The following ARID4B variants were observed in gnomAD, a reference collection of about 807,000 sequenced individuals.
ARID4B encodes the protein AT-rich interactive domain-containing protein 4B.
A neutral mutation model predicts 147.5 loss-of-function variants in ARID4B; 26 were observed. The observed-to-expected ratio is 0.18, with a 90% CI of 0.13 to 0.24. The LOEUF is 0.24. Ranked by LOEUF, ARID4B falls within the 10% of genes least tolerant of loss-of-function variation. ARID4B has a pLI of 1.00. For missense variants in ARID4B, 1,179 were observed against 1,511.5 expected, an observed-to-expected ratio of 0.78 and a Z score of 3.65; for synonymous variants, 512 against 507.9, an observed-to-expected ratio of 1.01 and a Z score of -0.11.
chr1:235,246,801 C>CA (rs1669328415), intron 6 of ARID4B, among the ~76,000 whole-genome samples: 1 of 151,898 alleles, frequency 6.6e-6, no homozygotes, highest in Non-Finnish European at 1.5e-5. Flanking sequence ...GATTAAAATA[C>CA]AAAACAAACA....
chr1:235,270,741 T>C (rs1670929858), intron 2 of ARID4B, among the ~76,000 whole-genome samples: 1 of 152,210 alleles, frequency 6.6e-6, no homozygotes, highest in Non-Finnish European at 1.5e-5. Flanking sequence ...TACTCTGCCT[T>C]GAGAAGAGGT....
chr1:235,234,298 G>T, intron 9 of ARID4B, 115 bp downstream of exon 9: 1 of 690,758 alleles, frequency 1.4e-6, no homozygotes, highest in Non-Finnish European at 2.5e-6. Context: ...TCTGTATGAT[G>T]AAAAATAAAA....
intron 17 of ARID4B, among the ~76,000 whole-genome samples, chr1:235,200,908 C>A (rs1665869587): frequency 6.6e-6 from 1 of 152,066 alleles, no homozygotes; most frequent in Non-Finnish European, 1.5e-5. Context: ...CTTTGGGAGG[C>A]CGAGGAGGGC....
At chr1:235,258,927 A>G (rs1272820173) in intron 3 of ARID4B, among the ~76,000 whole-genome samples, 1 of 152,258 alleles carries the variant, frequency 6.6e-6, no homozygotes, top group Non-Finnish European at 1.5e-5. Flanking sequence ...TAGTGAAAAC[A>G]TATCAACAAA....
At chr1:235,307,114 G>A (rs1433740596) in intron 2 of ARID4B, among the ~76,000 whole-genome samples, 2 of 152,112 alleles carry the variant, frequency 1.3e-5, no homozygotes, top group Non-Finnish European at 2.9e-5. Flanking sequence ...GGGGAAGGGG[G>A]AATGGGATAG....
At chr1:235,323,713 G>A (rs1403570049) in intron 2 of ARID4B, among the ~76,000 whole-genome samples, 4 of 151,536 alleles carry the variant, frequency 2.6e-5, no homozygotes, top group Non-Finnish European at 2.9e-5. Context: ...GAACCTGGGA[G>A]GCAGAGGTTG....
intron 17 of ARID4B, among the ~76,000 whole-genome samples, chr1:235,199,050 G>C (rs1665697844): frequency 6.6e-6 from 1 of 152,144 alleles, no homozygotes; most frequent in Non-Finnish European, 1.5e-5. Flanking sequence ...AGTGAGCCGA[G>C]ATCGCGCCAT....
chr1:235,246,015 CAA>C (rs1572067747), intron 7 of ARID4B, among the ~76,000 whole-genome samples: 1 of 152,126 alleles, frequency 6.6e-6, no homozygotes, highest in East Asian at 1.9e-4. Context: ...TGGGGAGACA[CAA>C]AATGGTTCAC....
At chr1:235,228,607 G>A (rs963054268) in intron 11 of ARID4B, 79 of 150,476 alleles carry the variant, frequency 5.3e-4, no homozygotes, top group Admixed American at 2.2e-3. Context: ...GTGAGTCACC[G>A]TGCCTGGCCT....
At chr1:235,195,172 TAGA>T (rs1189004922) in intron 18 of ARID4B, among the ~76,000 whole-genome samples, 1 of 152,152 alleles carries the variant, frequency 6.6e-6, no homozygotes, top group Non-Finnish European at 1.5e-5. Context: ...TCCAGATGCA[TAGA>T]AGATGCTAAT....
At chr1:235,324,257 C>T (rs1213743737) in intron 2 of ARID4B, among the ~76,000 whole-genome samples, 1 of 152,154 alleles carries the variant, frequency 6.6e-6, no homozygotes, top group Non-Finnish European at 1.5e-5. Context: ...ATAAATTCAA[C>T]ATAACACCAA....
intron 2 of ARID4B, among the ~76,000 whole-genome samples, chr1:235,284,078 C>G (rs1281025589): frequency 6.6e-6 from 1 of 152,140 alleles, no homozygotes; most frequent in Non-Finnish European, 1.5e-5. Context: ...TTCTTCAAGG[C>G]CAGGCCGGCA....
intron 22 of ARID4B, among the ~76,000 whole-genome samples, chr1:235,173,248 G>A (rs1571888503): frequency 1.3e-5 from 2 of 152,182 alleles, no homozygotes; most frequent in East Asian, 3.9e-4. Flanking sequence ...GGAGGCTGGG[G>A]CAGGATAATC....
chr1:235,226,590 C>T (rs889417298), intron 11 of ARID4B, among the ~76,000 whole-genome samples: 17 of 151,926 alleles, frequency 1.1e-4, no homozygotes, highest in Admixed American at 3.9e-4. Flanking sequence ...GGCGTGATCT[C>T]GGCTCACTGC....
intron 6 of ARID4B, among the ~76,000 whole-genome samples, chr1:235,247,149 C>T (rs1669349510): frequency 6.6e-6 from 1 of 152,090 alleles, no homozygotes; most frequent in Non-Finnish European, 1.5e-5. Context: ...TTCCTTTCCT[C>T]ATCCTAAGAA....
At chr1:235,246,392 C>T in intron 7 of ARID4B, 28 bp downstream of exon 7, 1 of 1,498,048 alleles carries the variant, frequency 6.7e-7, no homozygotes, top group Non-Finnish European at 9.3e-7. Context: ...AATTCAGGTT[C>T]AACTAACAGT....
intron 11 of ARID4B, chr1:235,228,542 C>G (rs1377229742): frequency 1.3e-5 from 2 of 151,544 alleles, no homozygotes; most frequent in Non-Finnish European, 2.9e-5. Context: ...GTCTCAAACT[C>G]CTGAGTTCAA....
intron 23 of ARID4B, among the ~76,000 whole-genome samples, chr1:235,171,735 G>A (rs1663379755): frequency 6.6e-6 from 1 of 152,026 alleles, no homozygotes; most frequent in Non-Finnish European, 1.5e-5. Flanking sequence ...TGCCTCCTGG[G>A]TTTAAGCAAT....
intron 2 of ARID4B, among the ~76,000 whole-genome samples, chr1:235,296,791 G>GA (rs1558289096): frequency 5.3e-5 from 3 of 57,106 alleles, no homozygotes; most frequent in African/African-American, 1.7e-4. Context: ...AAAAAAAAAG[G>GA]AGGAAGGAAG....
Sources: gnomAD v4.1 joint callset for allele counts (sites outside exome capture counted in the v4.1 genomes callset) on GRCh38, gnomAD v4.1.1 for gene constraint, MANE v1.5 for transcripts, NCBI Gene and HGNC (gene_info 2026-07-23, HGNC 2026-07-21) for gene names.